Variants in APH1B observed in about 807,000 individuals in gnomAD.
APH1B encodes aph-1B gamma-secretase subunit.
A neutral mutation model predicts 28.2 loss-of-function variants in APH1B; 27 were observed. That is an observed-to-expected ratio of 0.96 (90% CI 0.70 to 1.32). The LOEUF (loss-of-function observed/expected upper bound fraction) is 1.32. Ranked by LOEUF, APH1B falls within the 40% of genes most tolerant of loss-of-function variation. APH1B has a pLI of 0.00. For synonymous variants in APH1B, 141 were observed against 124.6 expected, an observed-to-expected ratio of 1.13 and a Z score of -0.88; for missense variants, 305 against 313.6, an observed-to-expected ratio of 0.97 and a Z score of 0.21.
intron 4 of APH1B, among the ~76,000 whole-genome samples, chr15:63,296,647 A>G (rs1245608167): frequency 6.6e-6 from 1 of 150,758 alleles, no homozygotes; most frequent in Non-Finnish European, 1.5e-5. Flanking sequence ...GCCAAATAGT[A>G]AATGTTGTTT....
At chr15:63,292,581 G>T (rs1410184869) in intron 4 of APH1B, among the ~76,000 whole-genome samples, 1 of 151,868 alleles carries the variant, frequency 6.6e-6, no homozygotes, top group Non-Finnish European at 1.5e-5. Flanking sequence ...TGGAGATGGG[G>T]GTCTCCTTAT....
chr15:63,289,014 A>C (rs1295897746), intron 4 of APH1B, among the ~76,000 whole-genome samples: 1 of 152,182 alleles, frequency 6.6e-6, no homozygotes, highest in Admixed American at 6.5e-5. Flanking sequence ...GGCTGTTTTC[A>C]TACGATGTTT....
In APH1B at chr15:63,279,164, T is replaced by A. The variant is rs1787397530; in HGVS notation, c.117T>A (p.Ala39=). The part of the protein sequence containing the change: ...PLRIIFLIAG[A]FFWLVSLLIS... ...CTTTTTTTCCCGTATTTTTCAGAGC[T>A]TTCTTCTGGTTGGTGTCTCTACTGA... The change falls in exon 2 of 6, where the codon GCT becomes GCA. Residue 39 remains alanine, a synonymous_variant. Transcript: ENST00000261879. 6.3e-7 allele frequency: 1 copy of A among 1,588,422 alleles called. No individual in the cohort carries two copies.
In APH1B at chr15:63,304,217, C is replaced by T. The variant is rs545614172; in HGVS notation, c.607-1397C>T. Reference sequence around the variant, plus strand: ...TTGACAGAAATACCAAAAGGCAGCACCAGGCTGTGGTGTTGAAGCCAGCGT... The same window carrying T: ...TTGACAGAAATACCAAAAGGCAGCATCAGGCTGTGGTGTTGAAGCCAGCGT... On this transcript the variant is annotated intron_variant, in intron 5 of 5. Coordinates refer to ENST00000261879, the MANE Select transcript of APH1B (RefSeq NM_031301.4). The surrounding 1 kb of genome is among the most constrained non-coding windows in gnomAD (Gnocchi z 5.1). Among the ~76,000 whole-genome samples the T allele has an allele frequency of 2.0e-5, 3 of 152,296 alleles. No homozygotes were observed. The highest frequency in any genetic ancestry group is 4.4e-5 in the Non-Finnish European group (3 of 68,026).
intron 4 of APH1B, among the ~76,000 whole-genome samples, chr15:63,299,250 T>C (rs1395121161): frequency 6.6e-6 from 1 of 152,084 alleles, no homozygotes; most frequent in Non-Finnish European, 1.5e-5. Flanking sequence ...TCAGACTTCT[T>C]AGTAAGAAGG....
intron 4 of APH1B, chr15:63,292,010 A>G (rs1412087064): frequency 6.6e-6 from 1 of 152,304 alleles, no homozygotes; most frequent in South Asian, 2.1e-4. Context: ...GAGCATGAGA[A>G]TAAATTTTTG....
chr15:63,302,631 A>G lies in APH1B; in HGVS notation c.606+159A>G. Reference sequence around the variant, plus strand: ...AATGAGTCATGTAAGTCTTACCACAAAAAGACCACCACTATTAATTTTTTG... The same window carrying G: ...AATGAGTCATGTAAGTCTTACCACAGAAAGACCACCACTATTAATTTTTTG... On this transcript the variant is annotated intron_variant, in intron 5 of 5. Coordinates refer to ENST00000261879, the MANE Select transcript of APH1B (RefSeq NM_031301.4). The G allele has an allele frequency of 3.2e-6, 3 of 950,580 alleles. No individual in the cohort carries two copies. The South Asian group carries it at 7.1e-5, about 23-fold the overall frequency. The allele number at this position is 950,580 out of a possible 1,614,324, so 58.9% of individuals were successfully genotyped here.
chr15:63,279,312 G>A lies in APH1B; in HGVS notation c.265G>A (p.Ala89Thr). 6.2e-7 allele frequency: 1 copy of A among 1,604,216 alleles called. No individual in the cohort carries two copies. Among genetic ancestry groups the A allele is most frequent in the East Asian group, 2.2e-5 (1 of 44,636 alleles). Residue 89 changes from alanine to threonine, a missense_variant, in exon 2 of 6, where the codon GCA (alanine) becomes ACA (threonine). Coordinates refer to ENST00000261879, the MANE Select transcript of APH1B (RefSeq NM_031301.4). ...SVYIQEMFRF[A>T]YYKLLKKASE... ...CTATATCCAAGAAATGTTCCGATTT[G>A]CATATTATAAACTCTTAAAGTAAGT...
At chr15:63,277,884 C>A in intron 1 of APH1B, 148 bp downstream of exon 1, 1 of 787,412 alleles carries the variant, frequency 1.3e-6, no homozygotes, top group Non-Finnish European at 2.0e-6. Flanking sequence ...GGAGATCCGG[C>A]TCCCCAAAGG....
At chr15:63,284,262 A>G (rs1323703916) in intron 2 of APH1B, among the ~76,000 whole-genome samples, 4 of 145,708 alleles carry the variant, frequency 2.7e-5, no homozygotes, top group African/African-American at 7.7e-5. Flanking sequence ...TGCCCAGGCT[A>G]GAGTGCAGTG....
chr15:63,279,007 G>A (rs1444646099), intron 1 of APH1B, among the ~76,000 whole-genome samples, 154 bp from the exon 2 acceptor site: 1 of 151,954 alleles, frequency 6.6e-6, no homozygotes, highest in African/African-American at 2.4e-5. Context: ...AAGAACAACT[G>A]ATCAGAGTAT....
intron 4 of APH1B, among the ~76,000 whole-genome samples, chr15:63,292,557 T>C (rs921593164): frequency 6.6e-6 from 1 of 151,150 alleles, no homozygotes; most frequent in Non-Finnish European, 1.5e-5. Flanking sequence ...CCCAGCTAAT[T>C]TTTGTATTTT....
At chr15:63,280,274 C>A (rs570276822) in intron 2 of APH1B, among the ~76,000 whole-genome samples, 2 of 152,176 alleles carry the variant, frequency 1.3e-5, no homozygotes, top group African/African-American at 2.4e-5. Flanking sequence ...CTAGGACTCA[C>A]GAGGACCTCA....
chr15:63,279,098 CT>C, intron 1 of APH1B, 62 bp from the exon 2 acceptor site: 1 of 1,210,350 alleles, frequency 8.3e-7, no homozygotes, highest in Non-Finnish European at 1.1e-6. Context: ...TTTTTTCCTG[CT>C]TTTAAACATT....
In APH1B at chr15:63,306,064, G is replaced by T; in HGVS notation, c.*283G>T. On this transcript the variant is annotated 3_prime_UTR_variant, in exon 6 of 6. Transcript: ENST00000261879. The stretch of plus-strand genomic sequence containing the variant: ...CCTGGGCACGTGGTGAGTTTTAAAA[G>T]CTTCCCAGGTGATTCTGATGTGCAG... 1 of 323,552 alleles carries T rather than the reference G, an allele frequency of 3.1e-6. No homozygotes were observed. The highest frequency in any genetic ancestry group is 2.2e-5 in the African/African-American group (1 of 45,330). 20.0% of individuals were successfully genotyped at this position (323,552 alleles called of 1,614,324 possible).
intron 4 of APH1B, chr15:63,292,122 G>A (rs1043887024): frequency 1.3e-5 from 2 of 152,090 alleles, no homozygotes; most frequent in Non-Finnish European, 1.5e-5. Context: ...GTTTAGACTC[G>A]ACTGAAAGCT....
intron 4 of APH1B, among the ~76,000 whole-genome samples, chr15:63,289,015 T>C (rs1237049190): frequency 6.6e-6 from 1 of 152,236 alleles, no homozygotes; most frequent in African/African-American, 2.4e-5. Flanking sequence ...GCTGTTTTCA[T>C]ACGATGTTTA....
chr15:63,291,162 A>C (rs2038502628), intron 4 of APH1B, among the ~76,000 whole-genome samples: 1 of 152,212 alleles, frequency 6.6e-6, no homozygotes, highest in African/African-American at 2.4e-5. Context: ...ATAAGCTCTA[A>C]ACTGGCCTAA....
chr15:63,278,246 A>G, intron 1 of APH1B: 1 of 445,742 alleles, frequency 2.2e-6, no homozygotes, highest in South Asian at 1.6e-5. Flanking sequence ...GCTTCAGAAA[A>G]AAAAAAAAAA....
Sources: allele counts gnomAD v4.1 joint callset (sites outside exome capture counted in the v4.1 genomes callset), GRCh38; gene constraint gnomAD v4.1.1; non-coding constraint Gnocchi (gnomAD v3.1); transcripts MANE v1.5; gene names NCBI Gene and HGNC (gene_info 2026-07-23, HGNC 2026-07-21).